INAVA: variants seen among roughly 807,000 people sequenced by gnomAD.
The protein encoded by INAVA is innate immunity activator, also known as innate immunity activator protein.
A neutral mutation model predicts 55.3 loss-of-function variants in INAVA; 32 were observed. The ratio of observed to expected loss-of-function variants is 0.58; its 90% confidence interval spans 0.44 to 0.78. INAVA has a LOEUF of 0.78. Ranked by LOEUF, INAVA falls within the 30% of genes least tolerant of loss-of-function variation. INAVA has a pLI of 0.00. For synonymous variants in INAVA, 294 were observed against 329.4 expected (o/e 0.89, Z 1.16); for missense variants, 756 against 786.4 (o/e 0.96, Z 0.46).
chr1:200,911,623 C>G lies in INAVA; in HGVS notation c.1130C>G (p.Ser377Cys). ...SCSEDSGSDV[S>C]SISHPTSPGS... Reference sequence around the variant, plus strand: ...TCAGAAGACAGTGGCTCTGACGTCTCCAGCATCTCCCACCCCACTTCGCCG... The same window carrying G: ...TCAGAAGACAGTGGCTCTGACGTCTGCAGCATCTCCCACCCCACTTCGCCG... Residue 377 changes from serine (S) to cysteine (C), a missense_variant, in exon 9 of 10, where the codon TCC (serine) becomes TGC (cysteine). Physicochemically the swap from Ser to Cys is moderately radical, Grantham distance 112. Coordinates refer to ENST00000413687, the MANE Select transcript of INAVA (RefSeq NM_001142569.3). 2 of 1,614,052 alleles carry G rather than the reference C, an allele frequency of 1.2e-6. No homozygotes were observed. Among genetic ancestry groups the G allele is most frequent in the Non-Finnish European group, 1.7e-6 (2 of 1,179,958 alleles).
chr1:200,894,768 C>A (rs1015690676), upstream of INAVA: 6 of 983,892 alleles, frequency 6.1e-6, no homozygotes, highest in Non-Finnish European at 7.2e-6. Flanking sequence ...TACCCTCCTG[C>A]CCCCCGGAAG....
At chr1:200,894,018 C>T (rs1384937417), upstream of INAVA, among the ~76,000 whole-genome samples, 1 of 152,068 alleles carries the variant, frequency 6.6e-6, no homozygotes, top group Non-Finnish European at 1.5e-5. Flanking sequence ...ACAGGCCAGG[C>T]AACAGTCAGC....
rs1009025159 is a variant in INAVA at position 200,901,230 on chromosome 1, C to T, written c.520+71C>T. 7.3e-5 allele frequency: 99 copies of T among 1,361,870 alleles called. No homozygotes were observed. In the African/African-American group the frequency reaches 1.2e-3, roughly 16 times the overall value. 84.4% of individuals were successfully genotyped at this position (1,361,870 alleles called of 1,614,324 possible). ...TTGAGGGATGGTGGGCGCACAGCCC[C>T]GTGCCACTGCCTTTGCATTTGGCTC... is the stretch of plus-strand genomic sequence containing the variant. On this transcript the variant is annotated intron_variant, in intron 5 of 9. Coordinates refer to ENST00000413687, the MANE Select transcript of INAVA (RefSeq NM_001142569.3).
At chr1:200,901,200 A>G in intron 5 of INAVA, 41 bp downstream of exon 5, 1 of 1,445,338 alleles carries the variant, frequency 6.9e-7, no homozygotes, top group South Asian at 1.4e-5. Flanking sequence ...TCCTTAAATG[A>G]GCTTTTGAGG....
chr1:200,908,943 C>T lies in INAVA; in HGVS notation c.785+3C>T. 1 of 1,611,274 alleles carries T rather than the reference C, an allele frequency of 6.2e-7. No individual in the cohort carries two copies. The highest frequency in any genetic ancestry group is 1.3e-5 in the African/African-American group (1 of 74,866). ...TCTGAGCCCTGGAGCGAGTCCAGGT[C>T]AGGATCAGGGGGAAGGGAGAAGGGC... On this transcript the variant is annotated splice_donor_region_variant and intron_variant, in intron 7 of 9. Transcript: ENST00000413687.
rs1484290292 is a variant in INAVA, at chr1:200,912,130, G to A, written c.1637G>A (p.Arg546Gln). The A allele has an allele frequency of 5.2e-6, 8 of 1,547,812 alleles. No homozygotes were observed. The highest frequency in any genetic ancestry group is 3.6e-5 in the South Asian group (3 of 83,846). Residue 546 changes from arginine to glutamine, a missense_variant, in exon 9 of 10, where the codon CGG becomes CAG. Transcript: ENST00000413687. ...REGFGRALGP[R>Q]AQVPTVCVLR... ...GGCTTCGGACGAGCCCTGGGACCCC[G>A]GGCACAGGTACGGCTGCTCTGGAGG...
rs768210506 is a variant in INAVA, at chr1:200,907,878, C to T, written c.565C>T (p.Leu189=). The change falls in exon 6 of 10, where the codon CTG becomes TTG. Residue 189 remains leucine, a synonymous_variant. Transcript: ENST00000413687. ...CAGCTCCCTGTCAGATGGGCTCCTC[C>T]TGGAGGAAGGTGAGAAGGACGTTTG... ...DDSSLSDGLL[L]EEEESQVPKP... is the part of the protein sequence containing the mutation. 2.2e-5 allele frequency: 35 copies of T among 1,612,398 alleles called. No individual in the cohort carries two copies. Among genetic ancestry groups the T allele is most frequent in the Non-Finnish European group, 3.0e-5 (35 of 1,178,838 alleles).
At chr1:200,905,804 G>A (rs1229852946) in intron 5 of INAVA, among the ~76,000 whole-genome samples, 1 of 152,248 alleles carries the variant, frequency 6.6e-6, no homozygotes, top group Non-Finnish European at 1.5e-5. Flanking sequence ...TCTGTTGTAA[G>A]GGATTTCAAG....
chr1:200,909,462 C>A, intron 8 of INAVA, 65 bp downstream of exon 8: 1 of 1,360,850 alleles, frequency 7.3e-7, no homozygotes, highest in Non-Finnish European at 9.7e-7. Context: ...AGGGTGGGAG[C>A]TCCCAGGACA....
Position 200,912,114 on chromosome 1 carries a change from C to A in INAVA, c.1621C>A (p.Arg541=). ...GCCCCTTGGGAGAGAGGGCTTCGGA[C>A]GAGCCCTGGGACCCCGGGCACAGGT... The part of the protein sequence containing the change: ...SLPLGREGFG[R]ALGPRAQVPT... The change falls in exon 9 of 10, where the codon CGA becomes AGA. Residue 541 remains arginine (R), a synonymous_variant. Coordinates refer to ENST00000413687, the MANE Select transcript of INAVA (RefSeq NM_001142569.3). The A allele has an allele frequency of 6.5e-7, 1 of 1,549,044 alleles. No homozygotes were observed. Among genetic ancestry groups the A allele is most frequent in the Non-Finnish European group, 8.7e-7 (1 of 1,146,580 alleles).
At chr1:200,908,174 T>C (rs1281766914) in intron 6 of INAVA, 3 of 337,930 alleles carry the variant, frequency 8.9e-6, no homozygotes, top group Admixed American at 4.4e-5. Context: ...TCCTTCACCC[T>C]TGGGTGTGAT....
chr1:200,894,310 G>A (rs796479851), upstream of INAVA, among the ~76,000 whole-genome samples: 8 of 152,222 alleles, frequency 5.3e-5, no homozygotes, highest in African/African-American at 7.2e-5. Context: ...TGATGGCCTC[G>A]ATACCCTTGG....
chr1:200,892,848 A>G (rs1188327603), upstream of INAVA, among the ~76,000 whole-genome samples: 1 of 152,212 alleles, frequency 6.6e-6, no homozygotes, highest in Non-Finnish European at 1.5e-5. Flanking sequence ...GTTGGGAAAT[A>G]TTGAGCGTGA....
intron 1 of INAVA, 53 bp from the exon 2 acceptor site, chr1:200,898,254 C>T: frequency 1.3e-6 from 2 of 1,577,986 alleles, no homozygotes; most frequent in Non-Finnish European, 1.7e-6. Flanking sequence ...CTTTTTGTAA[C>T]CAAGATGGTT....
chr1:200,895,648 T>C (rs1464886164), intron 1 of INAVA, among the ~76,000 whole-genome samples: 1 of 152,040 alleles, frequency 6.6e-6, no homozygotes, highest in African/African-American at 2.4e-5. Context: ...ACCTGTTGAC[T>C]CTGGGGCAGG....
chr1:200,908,587 T>C, intron 6 of INAVA, 143 bp from the exon 7 acceptor site: 1 of 692,748 alleles, frequency 1.4e-6, no homozygotes, highest in Non-Finnish European at 2.5e-6. Context: ...TTTGAGCATC[T>C]AGGGCTGGAG....
chr1:200,900,162 A>T lies in INAVA; in HGVS notation c.239A>T (p.Lys80Met), dbSNP rs757262383. Residue 80 changes from lysine to methionine, a missense_variant, in exon 4 of 10, where the codon AAG becomes ATG. Physicochemically the swap from Lys to Met is moderately conservative, Grantham distance 95. Coordinates refer to ENST00000413687, the MANE Select transcript of INAVA (RefSeq NM_001142569.3). ...CTCAAACCAGGGGAAAAGGCCCCCA[A>T]GGTTCGCCGCAGGATCGGAGCGGCT... ...YPLKPGEKAPKVRRRIGAAYK... is the reference protein window; with the variant it reads ...YPLKPGEKAPMVRRRIGAAYK... 3.1e-6 allele frequency: 5 copies of T among 1,614,156 alleles called. No homozygotes were observed. The highest frequency in any genetic ancestry group is 4.2e-6 in the Non-Finnish European group (5 of 1,179,984).
chr1:200,900,752 C>T (rs1204317027), intron 4 of INAVA, among the ~76,000 whole-genome samples, 185 bp from the exon 5 acceptor site: 1 of 152,218 alleles, frequency 6.6e-6, no homozygotes, highest in African/African-American at 2.4e-5. Context: ...GACAAGTTTG[C>T]TTTTCGGCTC....
intron 8 of INAVA, among the ~76,000 whole-genome samples, chr1:200,909,625 G>C (rs1653635226): frequency 6.6e-6 from 1 of 152,186 alleles, no homozygotes; most frequent in Non-Finnish European, 1.5e-5. Flanking sequence ...CTCTAGTTTT[G>C]TCTTTTTGCA....
Sources: allele counts gnomAD v4.1 joint callset (sites outside exome capture counted in the v4.1 genomes callset), GRCh38; gene constraint gnomAD v4.1.1; transcripts MANE v1.5; gene names NCBI Gene and HGNC (gene_info 2026-07-23, HGNC 2026-07-21).